The following ZBED6 variants were observed in gnomAD, a reference collection of about 807,000 sequenced individuals.
The protein encoded by ZBED6 is zinc finger BED-type containing 6, also known as zinc finger BED domain-containing protein 6.
Under a neutral mutation model 58.4 loss-of-function variants are expected in ZBED6, and 40 were observed. The observed-to-expected ratio is 0.68, with a 90% CI of 0.53 to 0.89. The LOEUF is 0.89. Among genes scored for constraint, ZBED6 ranks in the 40% least tolerant of loss-of-function variants. ZBED6 has a pLI of 0.00. For synonymous variants in ZBED6, 439 were observed against 350.6 expected, an observed-to-expected ratio of 1.25 and a Z score of -2.82; for missense variants, 1,057 against 1,003.9, an observed-to-expected ratio of 1.05 and a Z score of -0.71.
exon 14 of ZBED6, chr1:203,849,943 A>T (rs775471442): frequency 1.2e-6 from 2 of 1,614,142 alleles, no homozygotes; most frequent in Admixed American, 3.3e-5. Flanking sequence ...TCATCCCAGA[A>T]GGTGGAGGTA....
At chr1:203,823,380 A>G (rs1255486935) in intron 3 of ZBED6, among the ~76,000 whole-genome samples, 1 of 152,234 alleles carries the variant, frequency 6.6e-6, no homozygotes, top group African/African-American at 2.4e-5. Context: ...ATTCCTGCCC[A>G]GGGAAATCCA....
exon 1 of ZBED6, chr1:203,798,693 C>T: frequency 6.5e-7 from 1 of 1,536,128 alleles, no homozygotes; most frequent in Non-Finnish European, 8.7e-7. Context: ...GCAAGGCACT[C>T]TGATGCGTGC....
At chr1:203,850,152 A>G (rs760459574) in intron 14 of ZBED6, 126 bp downstream of exon 14, 75 of 800,582 alleles carry the variant, frequency 9.4e-5, no homozygotes, top group Non-Finnish European at 1.5e-4. Flanking sequence ...ACAGGTAGAT[A>G]GTAATATTTC....
At chr1:203,800,447 A>G in exon 1 of ZBED6, 1 of 1,488,722 alleles carries the variant, frequency 6.7e-7, no homozygotes, top group Non-Finnish European at 8.9e-7. Flanking sequence ...GCAGTGAAAA[A>G]GAAATACTGC....
intron 10 of ZBED6, among the ~76,000 whole-genome samples, chr1:203,839,419 G>A (rs1685394825): frequency 6.6e-6 from 1 of 152,128 alleles, no homozygotes; most frequent in South Asian, 2.1e-4. Context: ...TGTATGACTT[G>A]CAGTGAAACA....
intron 3 of ZBED6, among the ~76,000 whole-genome samples, chr1:203,822,492 G>A (rs1679110562): frequency 6.6e-6 from 1 of 152,002 alleles, no homozygotes; most frequent in Non-Finnish European, 1.5e-5. Flanking sequence ...ACTTTGTGCT[G>A]AGCGGCCCTC....
At chr1:203,847,498 A>G in exon 12 of ZBED6, 1 of 1,614,014 alleles carries the variant, frequency 6.2e-7, no homozygotes, top group Non-Finnish European at 8.5e-7. Flanking sequence ...TGTTGCCAGC[A>G]GAGGACAATC....
At chr1:203,816,123 T>G (rs35400764) in intron 1 of ZBED6, among the ~76,000 whole-genome samples, 1 of 152,190 alleles carries the variant, frequency 6.6e-6, no homozygotes, top group East Asian at 1.9e-4. Flanking sequence ...CACCTAGTTA[T>G]GATTATATAC....
chr1:203,842,900 A>G (rs1686857679), intron 11 of ZBED6, among the ~76,000 whole-genome samples: 1 of 146,250 alleles, frequency 6.8e-6, no homozygotes, highest in Non-Finnish European at 1.5e-5. Flanking sequence ...AATAAAATGA[A>G]CATCCATGTA....
At chr1:203,833,404 C>T (rs561059394) in intron 8 of ZBED6, among the ~76,000 whole-genome samples, 8 of 146,468 alleles carry the variant, frequency 5.5e-5, no homozygotes, top group Admixed American at 4.1e-4. Context: ...TGGTAGTGTG[C>T]GCAGTAGTCC....
chr1:203,839,631 G>A (rs1053821930), intron 10 of ZBED6, among the ~76,000 whole-genome samples: 13 of 152,076 alleles, frequency 8.5e-5, no homozygotes, highest in African/African-American at 2.7e-4. Context: ...TCCTCCTTGT[G>A]TATTGACCAT....
intron 9 of ZBED6, chr1:203,836,026 A>C (rs1157255908): frequency 6.5e-6 from 1 of 153,798 alleles, no homozygotes; most frequent in Non-Finnish European, 1.5e-5. Context: ...AAACCAAACC[A>C]GGGTTCCAAA....
At chr1:203,807,995 G>T (rs1482695901) in intron 1 of ZBED6, among the ~76,000 whole-genome samples, 2 of 152,060 alleles carry the variant, frequency 1.3e-5, no homozygotes, top group African/African-American at 2.4e-5. Flanking sequence ...TCCTGTCTCG[G>T]CCTCTCAAAG....
exon 1 of ZBED6, chr1:203,796,605 A>G (rs1182605108): frequency 7.6e-6 from 3 of 396,590 alleles, no homozygotes; most frequent in Non-Finnish European, 1.3e-5. Flanking sequence ...TTTTAGGGTA[A>G]ATGTATGTAG....
chr1:203,812,884 A>T (rs1479182009), intron 1 of ZBED6, among the ~76,000 whole-genome samples: 2 of 152,054 alleles, frequency 1.3e-5, no homozygotes, highest in Admixed American at 6.6e-5. Context: ...GCCCAAATGG[A>T]TTTTAGCCAT....
At chr1:203,819,974 C>T (rs1048587644) in intron 3 of ZBED6, among the ~76,000 whole-genome samples, 9 of 151,638 alleles carry the variant, frequency 5.9e-5, no homozygotes, top group African/African-American at 9.7e-5. Flanking sequence ...CAGTGGCTCA[C>T]GCCTGTAATC....
intron 10 of ZBED6, among the ~76,000 whole-genome samples, chr1:203,838,660 T>C (rs1477281950): frequency 6.6e-6 from 1 of 151,980 alleles, no homozygotes; most frequent in African/African-American, 2.4e-5. Context: ...CATTGAAAGG[T>C]TATAAACAGG....
intron 3 of ZBED6, among the ~76,000 whole-genome samples, chr1:203,820,119 C>T (rs187107000): frequency 2.6e-5 from 4 of 151,710 alleles, no homozygotes; most frequent in South Asian, 2.1e-4. Context: ...TCTGTAATCC[C>T]AGCTATTCAG....
chr1:203,831,069 T>C (rs1682185218), intron 7 of ZBED6, among the ~76,000 whole-genome samples: 1 of 150,294 alleles, frequency 6.7e-6, no homozygotes, highest in African/African-American at 2.4e-5. Context: ...CTCAGCCTCC[T>C]GAGTAGCTGG....
Sources: gnomAD v4.1 joint callset for allele counts (sites outside exome capture counted in the v4.1 genomes callset) on GRCh38, gnomAD v4.1.1 for gene constraint, MANE v1.5 for transcripts, NCBI Gene and HGNC (gene_info 2026-07-23, HGNC 2026-07-21) for gene names.